The following PTPRD variants were observed in gnomAD, a reference collection of about 807,000 sequenced individuals.
PTPRD encodes the protein protein tyrosine phosphatase receptor type D.
Under a neutral mutation model 214.5 loss-of-function variants are expected in PTPRD, and 34 were observed. The observed-to-expected ratio is 0.16, with a 90% CI of 0.12 to 0.21. The LOEUF is 0.21. PTPRD is among the 10% of genes least tolerant of loss of function. PTPRD has a pLI of 1.00. For missense variants in PTPRD, 2,545 were observed against 2,398.7 expected, an observed-to-expected ratio of 1.06 and a Z score of -1.27; for synonymous variants, 1,128 against 845.7, an observed-to-expected ratio of 1.33 and a Z score of -5.79.
chr9:8,664,476 T>G (rs1040801238), intron 12 of PTPRD, among the ~76,000 whole-genome samples: 1 of 152,184 alleles, frequency 6.6e-6, no homozygotes, highest in African/African-American at 2.4e-5. Flanking sequence ...CCATCCCTGA[T>G]ATCAAACTGC....
At chr9:9,485,062 G>A (rs2147287121) in intron 8 of PTPRD, among the ~76,000 whole-genome samples, 1 of 152,280 alleles carries the variant, frequency 6.6e-6, no homozygotes, top group Admixed American at 6.5e-5. Context: ...TTCAAGATAA[G>A]CCATTTGCCT....
intron 14 of PTPRD, among the ~76,000 whole-genome samples, chr9:8,585,480 A>T (rs2154258010): frequency 6.6e-6 from 1 of 152,328 alleles, no homozygotes; most frequent in African/African-American, 2.4e-5. Flanking sequence ...ATGCCTAAGC[A>T]TGAAGAAAGG....
intron 3 of PTPRD, among the ~76,000 whole-genome samples, chr9:10,223,002 C>A (rs987639496): frequency 6.6e-6 from 1 of 151,962 alleles, no homozygotes; most frequent in East Asian, 1.9e-4. Flanking sequence ...AAGTGAAAGA[C>A]AGAGAATGAA....
At chr9:9,668,115 C>A (rs927589619) in intron 7 of PTPRD, among the ~76,000 whole-genome samples, 1 of 152,116 alleles carries the variant, frequency 6.6e-6, no homozygotes, top group Non-Finnish European at 1.5e-5. Context: ...ACAAAATGAT[C>A]TCCACGTATC....
chr9:9,699,035 T>A (rs1161144437), intron 7 of PTPRD, among the ~76,000 whole-genome samples: 1 of 152,198 alleles, frequency 6.6e-6, no homozygotes, highest in Non-Finnish European at 1.5e-5. Context: ...CTATAAAATG[T>A]TTTAATATAT....
chr9:9,206,664 C>T (rs2099945052), intron 9 of PTPRD, among the ~76,000 whole-genome samples: 1 of 152,162 alleles, frequency 6.6e-6, no homozygotes, highest in African/African-American at 2.4e-5. Context: ...CTGAGTCTTC[C>T]TGCCTTCATC....
chr9:9,068,469 C>A (rs151197019), intron 10 of PTPRD, among the ~76,000 whole-genome samples: 3 of 152,188 alleles, frequency 2.0e-5, no homozygotes, highest in African/African-American at 7.2e-5. Context: ...AATGCATATG[C>A]AATCTTTGGA....
chr9:9,372,820 T>A (rs1187700220), intron 9 of PTPRD, among the ~76,000 whole-genome samples: 3 of 152,076 alleles, frequency 2.0e-5, no homozygotes, highest in African/African-American at 4.8e-5. Context: ...GGTGACAAAA[T>A]CTCTCAGCAT....
At chr9:10,148,474 C>A (rs1231284526) in intron 3 of PTPRD, among the ~76,000 whole-genome samples, 1 of 152,046 alleles carries the variant, frequency 6.6e-6, no homozygotes, top group African/African-American at 2.4e-5. Context: ...TTAGGCAGCT[C>A]TCTGATTTTA....
chr9:9,883,328 G>A (rs1022709548), intron 5 of PTPRD, among the ~76,000 whole-genome samples: 3 of 152,028 alleles, frequency 2.0e-5, no homozygotes, highest in East Asian at 3.9e-4. Flanking sequence ...TTTATTCTGA[G>A]AGAAACGCTA....
chr9:9,312,920 C>A (rs1399489539), intron 9 of PTPRD, among the ~76,000 whole-genome samples: 1 of 152,178 alleles, frequency 6.6e-6, no homozygotes, highest in Non-Finnish European at 1.5e-5. Context: ...TTTTGCTTTG[C>A]AAACATGTAT....
chr9:8,429,542 T>C (rs912769700), intron 35 of PTPRD, among the ~76,000 whole-genome samples: 19 of 152,210 alleles, frequency 1.2e-4, no homozygotes, highest in Non-Finnish European at 2.4e-4. Context: ...GGGAAGATTT[T>C]AACTTACTCT....
At chr9:9,406,082 T>C (rs1482514582) in intron 8 of PTPRD, among the ~76,000 whole-genome samples, 16 of 152,014 alleles carry the variant, frequency 1.1e-4, no homozygotes, top group Admixed American at 1.1e-3. Flanking sequence ...TTGCACTCTA[T>C]TTAAAGGAAT....
intron 7 of PTPRD, among the ~76,000 whole-genome samples, chr9:9,628,243 T>TGA (rs2154357518): frequency 6.6e-6 from 1 of 152,308 alleles, no homozygotes; most frequent in South Asian, 2.1e-4. Context: ...AACACATGTG[T>TGA]GATAACTCCT....
intron 10 of PTPRD, among the ~76,000 whole-genome samples, chr9:9,064,297 T>C (rs1209105521): frequency 6.6e-6 from 1 of 152,208 alleles, no homozygotes; most frequent in South Asian, 2.1e-4. Context: ...GTCATCTGCA[T>C]TGCTCCAGAA....
At chr9:9,107,028 C>G (rs546273778) in intron 10 of PTPRD, among the ~76,000 whole-genome samples, 1 of 151,680 alleles carries the variant, frequency 6.6e-6, no homozygotes, top group Non-Finnish European at 1.5e-5. Context: ...CTTCAGCTAT[C>G]TTTATCTTTA....
chr9:9,687,243 C>A (rs2097181808), intron 7 of PTPRD, among the ~76,000 whole-genome samples: 1 of 151,768 alleles, frequency 6.6e-6, no homozygotes, highest in South Asian at 2.1e-4. Flanking sequence ...CATTTGTCTA[C>A]CCAATGTTAG....
chr9:9,639,480 T>C lies in PTPRD; in HGVS notation c.-286-64699A>G, dbSNP rs116628381. Among the ~76,000 whole-genome samples the C allele has an allele frequency of 7.5e-3, 1,146 of 152,298 alleles. 15 individuals carry two copies. Among genetic ancestry groups the C allele is most frequent in the African/African-American group, 0.026 (1,079 of 41,562 alleles). On this transcript the variant is annotated intron_variant, in intron 7 of 45. Coordinates refer to ENST00000381196, the MANE Select transcript of PTPRD (RefSeq NM_002839.4). ...CATAGTTTCACTCTGGCCATTTTCC[T>C]ATTAGCAGGCTATGTTTATCTCAAT...
intron 8 of PTPRD, among the ~76,000 whole-genome samples, chr9:9,534,765 G>A (rs1240533951): frequency 6.6e-6 from 1 of 151,038 alleles, no homozygotes; most frequent in Non-Finnish European, 1.5e-5. Context: ...AGTCATGCAG[G>A]ACCACTTTTA....
Sources: allele counts gnomAD v4.1 joint callset (sites outside exome capture counted in the v4.1 genomes callset), GRCh38; gene constraint gnomAD v4.1.1; transcripts MANE v1.5; gene names NCBI Gene and HGNC (gene_info 2026-07-23, HGNC 2026-07-21).